SYBU: variants seen among roughly 807,000 people sequenced by gnomAD.
SYBU encodes GOLSYN A protein.
In SYBU, 21 loss-of-function variants were observed where a neutral mutation model predicts 35.9. The ratio of observed to expected loss-of-function variants is 0.58; its 90% CI spans 0.41 to 0.84. SYBU has a LOEUF of 0.84. SYBU is among the 40% of genes least tolerant of loss of function. The pLI, the probability that SYBU is intolerant of heterozygous loss-of-function variation, is 0.00. For missense variants in SYBU, 768 were observed against 848.2 expected (o/e 0.91, Z 1.17); for synonymous variants, 319 against 324.3 (o/e 0.98, Z 0.18).
chr8:109,620,301 C>T (rs1812277311), intron 2 of SYBU, among the ~76,000 whole-genome samples: 1 of 152,130 alleles, frequency 6.6e-6, no homozygotes, highest in Non-Finnish European at 1.5e-5. Flanking sequence ...CAAATAAAGA[C>T]ATTCAGTACT....
At chr8:109,665,118 A>G (rs1187979447) in intron 1 of SYBU, among the ~76,000 whole-genome samples, 1 of 152,226 alleles carries the variant, frequency 6.6e-6, no homozygotes, top group Admixed American at 6.5e-5. Flanking sequence ...TCACTTTTAA[A>G]CTTCCTACCA....
intron 2 of SYBU, among the ~76,000 whole-genome samples, chr8:109,636,542 C>G (rs1814248408): frequency 6.6e-6 from 1 of 152,144 alleles, no homozygotes; most frequent in African/African-American, 2.4e-5. Flanking sequence ...ACTGAATAAA[C>G]ATGTTTTGGC....
At chr8:109,598,513 A>C (rs1197222091) in intron 3 of SYBU, among the ~76,000 whole-genome samples, 1 of 152,230 alleles carries the variant, frequency 6.6e-6, no homozygotes, top group Non-Finnish European at 1.5e-5. Context: ...AAGAGTACCT[A>C]TCATATGGAA....
intron 2 of SYBU, among the ~76,000 whole-genome samples, chr8:109,622,573 A>C (rs1357129550): frequency 6.6e-6 from 1 of 152,118 alleles, no homozygotes; most frequent in African/African-American, 2.4e-5. Context: ...AGCCAAGCTG[A>C]TGTTCTTTGG....
chr8:109,586,007 G>C, intron 4 of SYBU, 53 bp downstream of exon 4: 1 of 1,259,518 alleles, frequency 7.9e-7, no homozygotes, highest in South Asian at 1.3e-5. Flanking sequence ...CACAGGTGCA[G>C]GTGAGTCACC....
chr8:109,577,576 C>T (rs577419749), intron 6 of SYBU, among the ~76,000 whole-genome samples: 79 of 152,096 alleles, frequency 5.2e-4, no homozygotes, highest in Non-Finnish European at 8.4e-4. Flanking sequence ...ATGCACACAC[C>T]TGATTATTTC....
chr8:109,608,056 G>T, intron 3 of SYBU: 2 of 1,056,350 alleles, frequency 1.9e-6, no homozygotes, highest in Admixed American at 2.3e-5. Context: ...GGGTATCCAT[G>T]GAGACTGAGC....
intron 2 of SYBU, among the ~76,000 whole-genome samples, chr8:109,632,662 A>G (rs1813768797): frequency 6.6e-6 from 1 of 152,244 alleles, no homozygotes. Context: ...AAAAAGAACA[A>G]AAGAAGAAAA....
rs765139104 is a variant in SYBU at position 109,575,728 on chromosome 8, T to C, written c.1170A>G (p.Leu390=). 1 of 1,614,180 alleles carries C rather than the reference T, an allele frequency of 6.2e-7. No homozygotes were observed. The change falls in exon 7 of 7, where the codon CTA becomes CTG. Residue 390 remains leucine (L), a synonymous_variant. Coordinates refer to ENST00000276646, the MANE Select transcript of SYBU (RefSeq NM_001099754.2). ...HSGSLRDELC[L]DFPCDSPEKS... ...TCTCTGGGGAATCACATGGAAAGTC[T>C]AGGCACAGTTCGTCCCTCAGAGAGC...
intron 2 of SYBU, among the ~76,000 whole-genome samples, chr8:109,622,448 G>A (rs1300358021): frequency 1.3e-5 from 2 of 152,020 alleles, no homozygotes; most frequent in South Asian, 2.1e-4. Flanking sequence ...GGCCAGGCTC[G>A]CCTTGAACTC....
chr8:109,676,088 AC>A (rs1241613238), intron 1 of SYBU, among the ~76,000 whole-genome samples: 2 of 152,112 alleles, frequency 1.3e-5, no homozygotes, highest in Admixed American at 6.6e-5. Flanking sequence ...AAAATTCAAC[AC>A]CCCTTCATGA....
At chr8:109,625,386 A>G (rs997729727) in intron 2 of SYBU, among the ~76,000 whole-genome samples, 1 of 152,166 alleles carries the variant, frequency 6.6e-6, no homozygotes, top group Non-Finnish European at 1.5e-5. Flanking sequence ...ATTTTAAAGG[A>G]GTGCTGATTT....
chr8:109,667,757 T>C lies in SYBU; in HGVS notation c.-129+12954A>G, dbSNP rs182699079. Among the ~76,000 whole-genome samples, 3 of 152,296 alleles carry C rather than the reference T, an allele frequency of 2.0e-5. No homozygotes were observed. The East Asian group carries it at 5.8e-4, about 29-fold the overall frequency. ...ATCCTCCCACCTCAGCATCCCAAAG[T>C]GTTGGGATTACAGGCTTTTTTGTTG... On this transcript the variant is annotated intron_variant, in intron 1 of 5. Coordinates refer to the SYBU transcript ENST00000408889.
At chr8:109,635,406 G>A (rs370382042) in intron 2 of SYBU, among the ~76,000 whole-genome samples, 1 of 151,934 alleles carries the variant, frequency 6.6e-6, no homozygotes, top group Non-Finnish European at 1.5e-5. Flanking sequence ...GCCTCCTCTT[G>A]CTATACCTCA....
chr8:109,661,405 A>G (rs1164897368), intron 1 of SYBU, among the ~76,000 whole-genome samples: 1 of 152,216 alleles, frequency 6.6e-6, no homozygotes. Context: ...AACTGGAGAT[A>G]CCTAGTGTCA....
chr8:109,668,175 A>AAAGGG (rs146745500), intron 1 of SYBU, among the ~76,000 whole-genome samples: 1,384 of 93,672 alleles, frequency 0.015, 31 homozygotes, highest in Middle Eastern at 0.078. Context: ...GGAGAGAGAG[A>AAAGGG]GAGAGAGAGA....
intron 5 of SYBU, among the ~76,000 whole-genome samples, chr8:109,579,341 C>A (rs538533172): frequency 6.6e-6 from 1 of 152,192 alleles, no homozygotes; most frequent in Non-Finnish European, 1.5e-5. Context: ...CACCCCTGAT[C>A]GCTCCAGACT....
At chr8:109,678,744 TA>T (rs2130780052) in intron 1 of SYBU, among the ~76,000 whole-genome samples, 1 of 152,250 alleles carries the variant, frequency 6.6e-6, no homozygotes, top group South Asian at 2.1e-4. Flanking sequence ...CAGCTTCAAA[TA>T]ACTTTTAAAA....
chr8:109,689,788 A>G (rs978614797), intron 1 of SYBU, among the ~76,000 whole-genome samples: 6 of 142,358 alleles, frequency 4.2e-5, no homozygotes, highest in Non-Finnish European at 7.5e-5. Context: ...AGTTTGTAGT[A>G]TTACTCTTTT....
Sources: gnomAD v4.1 joint callset for allele counts (sites outside exome capture counted in the v4.1 genomes callset) on GRCh38, gnomAD v4.1.1 for gene constraint, MANE v1.5 for transcripts, NCBI Gene and HGNC (gene_info 2026-07-23, HGNC 2026-07-21) for gene names.